PPFIBP1: variants seen among roughly 807,000 people sequenced by gnomAD.
PPFIBP1 encodes PPFIB scaffold protein 1.
PPFIBP1 carries 112 observed loss-of-function variants against 137.8 expected under a neutral mutation model. That is an observed-to-expected ratio of 0.81 (90% CI 0.70 to 0.95). The LOEUF (loss-of-function observed/expected upper bound fraction) is 0.95, where lower values mean the gene tolerates loss of function less well. PPFIBP1 is among the 40% of genes least tolerant of loss of function. The pLI, the probability that PPFIBP1 is intolerant of heterozygous loss-of-function variation, is 0.00. For synonymous variants in PPFIBP1, 378 were observed against 417.3 expected, an observed-to-expected ratio of 0.91 and a Z score of 1.15; for missense variants, 1,083 against 1,196.6, an observed-to-expected ratio of 0.91 and a Z score of 1.40.
In PPFIBP1 at chr12:27,691,911, T is replaced by C. The variant is rs1473197067; in HGVS notation, c.2848T>C (p.Leu950=). 1 of 1,611,952 alleles carries C rather than the reference T, an allele frequency of 6.2e-7. No homozygotes were observed. Among genetic ancestry groups the C allele is most frequent in the East Asian group, 2.2e-5 (1 of 44,858 alleles). The change falls in exon 28 of 30, where the codon TTG becomes CTG. Residue 950 remains leucine, a synonymous_variant. Coordinates refer to ENST00000228425, the MANE Select transcript of PPFIBP1 (RefSeq NM_003622.4). ...LDMRLYEEDD[L]DRLEQMEDSE... ...TATGCGCCTGTATGAGGAAGATGAT[T>C]TGGACCGGTTAGAGCAGGTAAATCC...
rs750525684 is a variant in PPFIBP1 at position 27,656,715 on chromosome 12, G to A, written c.796G>A (p.Glu266Lys). Residue 266 changes from glutamate to lysine, a missense_variant, in exon 9 of 30, where the codon GAA (glutamate) becomes AAA (lysine). By Grantham distance (56) the Glu-to-Lys change is moderately conservative. Transcript: ENST00000228425. ...TTGCAAGATGAAAGGAGAAGGGGTT[G>A]AAATTGTTGATAGAGGTAAGAAGAT... ...LVCKMKGEGV[E>K]IVDRDENFKK... 38 of 1,600,390 alleles carry A rather than the reference G, an allele frequency of 2.4e-5. No individual in the cohort carries two copies. The highest frequency in any genetic ancestry group is 1.7e-5 in the Admixed American group (1 of 59,906).
At chr12:27,540,337 C>T (rs916817520) in intron 1 of PPFIBP1, among the ~76,000 whole-genome samples, 7 of 151,052 alleles carry the variant, frequency 4.6e-5, no homozygotes, top group African/African-American at 1.7e-4. Context: ...AAGAGTTTGG[C>T]GTAGTTAGCT....
chr12:27,693,168 G>C lies in PPFIBP1; in HGVS notation c.*286G>C. On this transcript the variant is annotated 3_prime_UTR_variant, in exon 30 of 30. Transcript: ENST00000228425. ...CATTTAAGATGAGTATTTTACCAGA[G>C]TGTTTCCATTCATATCCGCGGTATG... 3.5e-6 allele frequency: 1 copy of C among 288,960 alleles called. No homozygotes were observed. Among genetic ancestry groups the C allele is most frequent in the East Asian group, 8.2e-5 (1 of 12,166 alleles). 17.9% of individuals were successfully genotyped at this position (288,960 alleles called of 1,614,324 possible).
chr12:27,658,649 A>T (rs927016911), intron 9 of PPFIBP1, among the ~76,000 whole-genome samples, 167 bp from the exon 10 acceptor site: 10 of 152,244 alleles, frequency 6.6e-5, no homozygotes, highest in Admixed American at 5.9e-4. Context: ...CACATAGAGC[A>T]TTATTGTACT....
chr12:27,566,234 A>C (rs2049654288), intron 1 of PPFIBP1, among the ~76,000 whole-genome samples: 2 of 152,180 alleles, frequency 1.3e-5, no homozygotes, highest in South Asian at 2.1e-4. Flanking sequence ...CAAGCCCAGC[A>C]GATTAGAACT....
At chr12:27,618,555 G>A (rs1348881520) in intron 2 of PPFIBP1, among the ~76,000 whole-genome samples, 2 of 152,106 alleles carry the variant, frequency 1.3e-5, no homozygotes, top group Non-Finnish European at 2.9e-5. Flanking sequence ...TCAACCAATT[G>A]CCAATCAGAA....
Position 27,695,151 on chromosome 12 carries a change from C to G in PPFIBP1, c.*2269C>G, listed in dbSNP as rs1047341432. On this transcript the variant is annotated 3_prime_UTR_variant, in exon 30 of 30. Coordinates refer to ENST00000228425, the MANE Select transcript of PPFIBP1 (RefSeq NM_003622.4). ...TTTTTTTTTGAGACGGAGTCTTGCT[C>G]TGTTGCCCAGGCTGGAGTGCAGTGG... The G allele has an allele frequency of 1.9e-4, 28 of 147,710 alleles. No homozygotes were observed. The highest frequency in any genetic ancestry group is 6.5e-4 in the African/African-American group (26 of 40,034). The allele number at this position is 147,710 out of a possible 1,614,324, so 9.1% of individuals were successfully genotyped here.
chr12:27,688,449 T>A (rs762039450), intron 26 of PPFIBP1, 26 bp downstream of exon 26: 15 of 1,609,802 alleles, frequency 9.3e-6, no homozygotes, highest in Non-Finnish European at 1.3e-5. Flanking sequence ...AATTTAAAAT[T>A]GACTTACTTT....
chr12:27,671,193 CA>C lies in PPFIBP1; in HGVS notation c.1147-236del, dbSNP rs536503839. Among the ~76,000 whole-genome samples, 67 of 152,232 alleles carry C rather than the reference CA, an allele frequency of 4.4e-4. 1 individual carries two copies. Among genetic ancestry groups the C allele is most frequent in the African/African-American group, 1.4e-3 (58 of 41,548 alleles). ...ACTTAATGGTATACCGTCTTATTCA[CA>C]ATATTCAGTGTCTTATTCAGAACCA... On this transcript the variant is annotated intron_variant, in intron 13 of 29. Coordinates refer to ENST00000228425, the MANE Select transcript of PPFIBP1 (RefSeq NM_003622.4).
intron 1 of PPFIBP1, among the ~76,000 whole-genome samples, chr12:27,524,578 A>C (rs1943502478): frequency 1.3e-5 from 2 of 151,948 alleles, no homozygotes; most frequent in African/African-American, 4.8e-5. Context: ...GTACGTGAAG[A>C]ATACTCCAGG....
chr12:27,543,063 C>A (rs1301125549), intron 1 of PPFIBP1, among the ~76,000 whole-genome samples: 2 of 152,146 alleles, frequency 1.3e-5, no homozygotes, highest in Non-Finnish European at 2.9e-5. Flanking sequence ...TTTTATTTTT[C>A]ATCCCATCTA....
intron 2 of PPFIBP1, chr12:27,583,995 A>C (rs1322617374): frequency 6.6e-6 from 1 of 152,146 alleles, no homozygotes; most frequent in Non-Finnish European, 1.5e-5. Context: ...CTCTGAAGTG[A>C]TTGTGAACAC....
chr12:27,609,173 G>A (rs2054832606), intron 2 of PPFIBP1: 2 of 152,626 alleles, frequency 1.3e-5, no homozygotes, highest in African/African-American at 2.4e-5. Context: ...TCAGCATGTA[G>A]CCAAGTACTT....
chr12:27,682,981 TA>T (rs2060969076), intron 24 of PPFIBP1, among the ~76,000 whole-genome samples: 1 of 152,238 alleles, frequency 6.6e-6, no homozygotes, highest in African/African-American at 2.4e-5. Context: ...TTATATGTAA[TA>T]CATTCAACAA....
Position 27,540,774 on chromosome 12 carries a change from A to C in PPFIBP1, c.-124+16409A>C, listed in dbSNP as rs73091410. Among the ~76,000 whole-genome samples, 145 of 152,254 alleles carry C rather than the reference A, an allele frequency of 9.5e-4. No homozygotes were observed. In the Middle Eastern group the frequency reaches 0.017, roughly 18 times the overall value. On this transcript the variant is annotated intron_variant, in intron 1 of 29. Coordinates refer to ENST00000228425, the MANE Select transcript of PPFIBP1 (RefSeq NM_003622.4). The stretch of plus-strand genomic sequence containing the variant: ...GAAAATAAATTTTGTTTTTCTTTTT[A>C]ATGTATTTGATATTATTGAGCTAAA...
chr12:27,607,097 T>C (rs1427278656), intron 2 of PPFIBP1, among the ~76,000 whole-genome samples: 1 of 152,220 alleles, frequency 6.6e-6, no homozygotes, highest in Non-Finnish European at 1.5e-5. Context: ...AAAACTCTAA[T>C]CTTCAACAAC....
chr12:27,571,285 C>T (rs541460998), intron 1 of PPFIBP1, among the ~76,000 whole-genome samples: 2 of 152,118 alleles, frequency 1.3e-5, no homozygotes, highest in South Asian at 4.2e-4. Context: ...ATATATTCAT[C>T]GTTGCTCATT....
intron 2 of PPFIBP1, among the ~76,000 whole-genome samples, chr12:27,607,939 GT>G (rs35549637): frequency 0.88 from 133,500 of 152,102 alleles, 58,686 homozygotes; most frequent in Middle Eastern, 0.95. Context: ...CCTAATTGAG[GT>G]TTTTATTGGT....
chr12:27,604,034 G>A (rs1161468034), intron 2 of PPFIBP1, among the ~76,000 whole-genome samples: 2 of 152,138 alleles, frequency 1.3e-5, no homozygotes, highest in South Asian at 2.1e-4. Context: ...TAGAAGTCAA[G>A]TGATCAAAAT....
Sources: gnomAD v4.1 joint callset for allele counts (sites outside exome capture counted in the v4.1 genomes callset) on GRCh38, gnomAD v4.1.1 for gene constraint, MANE v1.5 for transcripts, NCBI Gene and HGNC (gene_info 2026-07-23, HGNC 2026-07-21) for gene names.